Variants in FAM161A observed in about 807,000 individuals in gnomAD.
FAM161A encodes the protein protein FAM161A.
A neutral mutation model predicts 70.9 loss-of-function variants in FAM161A; 57 were observed. The observed-to-expected ratio is 0.80, with a 90% CI of 0.65 to 1.00. The LOEUF is 1.00. Among genes scored for constraint, FAM161A ranks in the 50% least tolerant of loss-of-function variants. FAM161A has a pLI of 0.00. For missense variants in FAM161A, 880 were observed against 836.0 expected, an observed-to-expected ratio of 1.05 and a Z score of -0.65; for synonymous variants, 299 against 295.7, an observed-to-expected ratio of 1.01 and a Z score of -0.12.
At chr2:61,838,095 C>T (rs984959852) in intron 4 of FAM161A, among the ~76,000 whole-genome samples, 4 of 152,162 alleles carry the variant, frequency 2.6e-5, no homozygotes, top group Non-Finnish European at 5.9e-5. Flanking sequence ...TAACAAAATG[C>T]AACACATACT....
rs1672349990 is a variant in FAM161A at position 61,826,034 on chromosome 2, A to G, written c.*421T>C. The stretch of plus-strand genomic sequence containing the variant: ...CAGAGAAAAAGAATGGGCAAATAGT[A>G]TAATTAAAAATAGTTATTGATTCAC... On this transcript the variant is annotated 3_prime_UTR_variant, in exon 7 of 7. Transcript: ENST00000404929. The G allele has an allele frequency of 2.2e-6, 1 of 455,166 alleles. No homozygotes were observed. Among genetic ancestry groups the G allele is most frequent in the Non-Finnish European group, 4.4e-6 (1 of 227,486 alleles). 28.2% of individuals were successfully genotyped at this position (455,166 alleles called of 1,614,324 possible).
At chr2:61,817,132 G>A in the FAM161A span, among the ~76,000 whole-genome samples, 11 of 152,196 alleles carry the variant, frequency 7.2e-5, no homozygotes, top group South Asian at 2.1e-4. Context: ...GATGGCAGAC[G>A]GTCAAGTGCC....
rs759315818 is a variant in FAM161A at position 61,826,382 on chromosome 2, A to T, written c.*73T>A. The T allele has an allele frequency of 6.5e-7, 1 of 1,545,790 alleles. No individual in the cohort carries two copies. The highest frequency in any genetic ancestry group is 1.1e-5 in the South Asian group (1 of 86,972). ...TCAGAAGCGTCCCCACAGATGTTCTAAACACAAATGCGGCTGCTGACACCC... is the reference window on the plus strand; with the variant it reads ...TCAGAAGCGTCCCCACAGATGTTCTTAACACAAATGCGGCTGCTGACACCC... On this transcript the variant is annotated 3_prime_UTR_variant, in exon 7 of 7. Coordinates refer to ENST00000404929, the MANE Select transcript of FAM161A (RefSeq NM_001201543.2).
At chr2:61,800,897 T>C in the FAM161A span, among the ~76,000 whole-genome samples, 1 of 152,084 alleles carries the variant, frequency 6.6e-6, no homozygotes, top group African/African-American at 2.4e-5. Context: ...TGTATCTCCC[T>C]GGTTCAAGTG....
At chr2:61,848,882 ATATT>A (rs1673341201) in intron 1 of FAM161A, among the ~76,000 whole-genome samples, 1 of 4,868 alleles carries the variant, frequency 2.1e-4, no homozygotes, top group Non-Finnish European at 3.5e-4. Flanking sequence ...ATTTATATAT[ATATT>A]TATATATATT....
chr2:61,808,460 A>T, the FAM161A span, among the ~76,000 whole-genome samples: 57 of 151,918 alleles, frequency 3.8e-4, no homozygotes, highest in African/African-American at 1.4e-3. Flanking sequence ...TTTTAGTAGA[A>T]ACTGGGTTTC....
At chr2:61,816,880 A>G in the FAM161A span, among the ~76,000 whole-genome samples, 1 of 152,158 alleles carries the variant, frequency 6.6e-6, no homozygotes, top group African/African-American at 2.4e-5. Context: ...TCGGCCAGAG[A>G]GGAAGCAGGG....
chr2:61,806,731 C>G, the FAM161A span, among the ~76,000 whole-genome samples: 1 of 109,476 alleles, frequency 9.1e-6, no homozygotes, highest in Non-Finnish European at 1.7e-5. Flanking sequence ...CTGGCTCTGT[C>G]GCCCAGGCTG....
At chr2:61,816,871 C>T in the FAM161A span, among the ~76,000 whole-genome samples, 36 of 152,248 alleles carry the variant, frequency 2.4e-4, no homozygotes, top group Middle Eastern at 3.4e-3. Flanking sequence ...CTGGCTGCAT[C>T]GGCCAGAGAG....
chr2:61,839,034 C>A (rs540121011), intron 3 of FAM161A, among the ~76,000 whole-genome samples: 18 of 151,776 alleles, frequency 1.2e-4, no homozygotes, highest in African/African-American at 4.3e-4. Context: ...AGGCACCCGC[C>A]ACCACGCCCA....
the FAM161A span, among the ~76,000 whole-genome samples, chr2:61,807,344 C>A: frequency 6.6e-6 from 1 of 151,646 alleles, no homozygotes; most frequent in African/African-American, 2.4e-5. Flanking sequence ...ATAAAAGGCA[C>A]TTAGGAAGGG....
rs1165528600 is a variant in FAM161A at position 61,827,100 on chromosome 2, T to C, written c.2006+4A>G. The C allele has an allele frequency of 1.2e-6, 2 of 1,613,364 alleles. No homozygotes were observed. The highest frequency in any genetic ancestry group is 1.1e-5 in the South Asian group (1 of 91,076). ...AAGCCATTCAGACATCTTATATATG[T>C]TACCTTTCTTTGTCTTCAGTGACAC... On this transcript the variant is annotated splice_donor_region_variant and intron_variant, in intron 6 of 6. Coordinates refer to ENST00000404929, the MANE Select transcript of FAM161A (RefSeq NM_001201543.2).
At chr2:61,804,768 GAGAA>G in the FAM161A span, among the ~76,000 whole-genome samples, 5,279 of 118,902 alleles carry the variant, frequency 0.044, 130 homozygotes, top group African/African-American at 0.05. Context: ...GAAAAAGAAA[GAGAA>G]AGAAAGAAAG....
At chr2:61,815,391 A>G in the FAM161A span, among the ~76,000 whole-genome samples, 1 of 152,054 alleles carries the variant, frequency 6.6e-6, no homozygotes, top group East Asian at 1.9e-4. Flanking sequence ...GCCTCAAGGG[A>G]GGGGACAACT....
At chr2:61,807,162 G>C in the FAM161A span, among the ~76,000 whole-genome samples, 1 of 152,076 alleles carries the variant, frequency 6.6e-6, no homozygotes, top group Admixed American at 6.6e-5. Context: ...CTTGCTAATT[G>C]AAGTTGAAGC....
intron 5 of FAM161A, among the ~76,000 whole-genome samples, chr2:61,829,388 T>C (rs1285551314): frequency 6.6e-6 from 1 of 152,170 alleles, no homozygotes; most frequent in East Asian, 1.9e-4. Flanking sequence ...CTGATTACAA[T>C]AGATAAAACT....
the FAM161A span, chr2:61,803,360 T>C: frequency 1.4e-6 from 1 of 701,326 alleles, no homozygotes; most frequent in Admixed American, 1.9e-5. Context: ...AGACATGGCC[T>C]GTATGAGAAG....
At chr2:61,844,132 G>C (rs997726078) in intron 1 of FAM161A, among the ~76,000 whole-genome samples, 1 of 151,884 alleles carries the variant, frequency 6.6e-6, no homozygotes, top group Admixed American at 6.6e-5. Context: ...GACAGAGCGA[G>C]ACTCTGTCTC....
At chr2:61,850,335 G>T (rs1345272320) in intron 1 of FAM161A, among the ~76,000 whole-genome samples, 1 of 152,118 alleles carries the variant, frequency 6.6e-6, no homozygotes, top group Non-Finnish European at 1.5e-5. Context: ...GGTGGAGGTT[G>T]TGGTGAGCCA....
Sources: allele counts gnomAD v4.1 joint callset (sites outside exome capture counted in the v4.1 genomes callset), GRCh38; gene constraint gnomAD v4.1.1; transcripts MANE v1.5; gene names NCBI Gene and HGNC (gene_info 2026-07-23, HGNC 2026-07-21).